Variants in DENND1B observed in about 807,000 individuals in gnomAD.
The protein encoded by DENND1B is DENN domain containing 1B, also known as DENN domain-containing protein 1B.
A neutral mutation model predicts 90.1 loss-of-function variants in DENND1B; 59 were observed. That is an observed-to-expected ratio of 0.65 (90% CI 0.53 to 0.81). The LOEUF is 0.81. Among genes scored for constraint, DENND1B ranks in the 40% least tolerant of loss-of-function variants. The pLI, the probability that DENND1B is intolerant of heterozygous loss-of-function variation, is 0.00. For synonymous variants in DENND1B, 337 were observed against 324.6 expected, an observed-to-expected ratio of 1.04 and a Z score of -0.41; for missense variants, 862 against 912.6, an observed-to-expected ratio of 0.94 and a Z score of 0.71.
chr1:197,630,639 T>A (rs1339855805), intron 10 of DENND1B, among the ~76,000 whole-genome samples: 2 of 152,144 alleles, frequency 1.3e-5, no homozygotes, highest in Non-Finnish European at 2.9e-5. Flanking sequence ...TCTAATCATC[T>A]CACATTTAGT....
At chr1:197,665,664 A>C (rs1654869008) in intron 5 of DENND1B, among the ~76,000 whole-genome samples, 2 of 152,142 alleles carry the variant, frequency 1.3e-5, no homozygotes, top group Admixed American at 1.3e-4. Context: ...TTTGACTTGA[A>C]ATATCTTAAA....
chr1:197,553,643 C>G (rs1671444028), intron 15 of DENND1B, among the ~76,000 whole-genome samples: 1 of 152,258 alleles, frequency 6.6e-6, no homozygotes, highest in African/African-American at 2.4e-5. Flanking sequence ...TAACTTCATT[C>G]AGTAAAATAA....
chr1:197,672,295 TAA>T, intron 4 of DENND1B, 139 bp from the exon 5 acceptor site: 5 of 1,040,110 alleles, frequency 4.8e-6, no homozygotes, highest in Non-Finnish European at 6.8e-6. Context: ...AACTATGTTC[TAA>T]AACTAGAGGA....
chr1:197,524,184 C>T (rs80125218), intron 20 of DENND1B, among the ~76,000 whole-genome samples: 8,887 of 152,042 alleles, frequency 0.058, 883 homozygotes, highest in African/African-American at 0.2. Flanking sequence ...TATTAGAAAC[C>T]AGTCTAATTC....
intron 6 of DENND1B, among the ~76,000 whole-genome samples, chr1:197,657,336 C>T (rs1653946108): frequency 4.6e-5 from 7 of 152,156 alleles, no homozygotes; most frequent in Non-Finnish European, 8.8e-5. Flanking sequence ...CCAACAAGTA[C>T]TTCTCTAGAG....
At chr1:197,738,009 A>G (rs1376508521) in intron 2 of DENND1B, among the ~76,000 whole-genome samples, 2 of 75,630 alleles carry the variant, frequency 2.6e-5, no homozygotes, top group South Asian at 5.3e-4. Flanking sequence ...TTCTTCCCGC[A>G]GGTTTTGATT....
At chr1:197,662,416 C>A (rs1654497500) in intron 5 of DENND1B, among the ~76,000 whole-genome samples, 1 of 151,956 alleles carries the variant, frequency 6.6e-6, no homozygotes, top group Non-Finnish European at 1.5e-5. Flanking sequence ...ACATACTTGA[C>A]TAAGATAAAG....
At chr1:197,645,773 A>G in intron 8 of DENND1B, 30 bp from the exon 9 acceptor site, 6 of 1,422,768 alleles carry the variant, frequency 4.2e-6, no homozygotes, top group Non-Finnish European at 5.7e-6. Flanking sequence ...CACATATGAA[A>G]AAGATAATTA....
chr1:197,547,064 C>A (rs765946881), intron 16 of DENND1B, among the ~76,000 whole-genome samples: 1 of 152,140 alleles, frequency 6.6e-6, no homozygotes, highest in Non-Finnish European at 1.5e-5. Context: ...TGTTTAAAAG[C>A]TTAAATACTC....
chr1:197,531,364 T>C (rs1394966184), intron 20 of DENND1B, among the ~76,000 whole-genome samples: 3 of 152,116 alleles, frequency 2.0e-5, no homozygotes, highest in Non-Finnish European at 2.9e-5. Context: ...CTTTAGGCAA[T>C]TAAATTCACC....
chr1:197,695,610 T>G (rs1658351738), intron 3 of DENND1B, among the ~76,000 whole-genome samples: 1 of 150,984 alleles, frequency 6.6e-6, no homozygotes, highest in African/African-American at 2.4e-5. Context: ...AATTTACTAT[T>G]ACATATCAAA....
At chr1:197,545,179 C>T (rs1038672606) in intron 18 of DENND1B, among the ~76,000 whole-genome samples, 1 of 151,866 alleles carries the variant, frequency 6.6e-6, no homozygotes, top group East Asian at 1.9e-4. Flanking sequence ...CCAAGGCGGG[C>T]AGATCACTTG....
chr1:197,565,204 AT>A (rs1413145137), intron 15 of DENND1B, among the ~76,000 whole-genome samples: 1 of 152,038 alleles, frequency 6.6e-6, no homozygotes, highest in Non-Finnish European at 1.5e-5. Flanking sequence ...ATCTGTAACA[AT>A]TTTTTATGTT....
chr1:197,582,173 TCC>T, intron 15 of DENND1B, among the ~76,000 whole-genome samples: 1 of 152,292 alleles, frequency 6.6e-6, no homozygotes, highest in South Asian at 2.1e-4. Context: ...GACAGGTATC[TCC>T]CCATGCCCCA....
At chr1:197,704,211 G>T (rs1659307262) in intron 3 of DENND1B, among the ~76,000 whole-genome samples, 1 of 152,066 alleles carries the variant, frequency 6.6e-6, no homozygotes, top group Non-Finnish European at 1.5e-5. Context: ...AGTCATGAGG[G>T]CACTACTGCA....
chr1:197,713,345 CAAT>C (rs1334830922), intron 3 of DENND1B, among the ~76,000 whole-genome samples: 1 of 73,548 alleles, frequency 1.4e-5, no homozygotes, highest in Non-Finnish European at 2.4e-5. Context: ...AAATGTCCAA[CAAT>C]GATAGACTGG....
chr1:197,683,916 T>C (rs978708365), intron 3 of DENND1B, among the ~76,000 whole-genome samples: 1 of 152,162 alleles, frequency 6.6e-6, no homozygotes, highest in Admixed American at 6.5e-5. Flanking sequence ...TTTGTTACAG[T>C]TGGAAAGATC....
At position 197,575,903 on chromosome 1, in the gene DENND1B, C is replaced by T. The variant is rs370497555; in HGVS notation, c.1149+7249G>A. On this transcript the variant is annotated intron_variant, in intron 15 of 22. Coordinates refer to ENST00000620048, the MANE Select transcript of DENND1B (RefSeq NM_001195215.2). ...ACAATGAGAACACTTGGACACAGGG[C>T]GGGAACATCACACACCAGGGCCTGT... is the stretch of plus-strand genomic sequence containing the variant. 1.6e-3 allele frequency among the ~76,000 whole-genome samples: 240 copies of T among 152,026 alleles called. 1 individual carries two copies. Among genetic ancestry groups the T allele is most frequent in the Middle Eastern group, 6.8e-3 (2 of 292 alleles).
At chr1:197,610,983 A>G (rs1677134569) in intron 12 of DENND1B, among the ~76,000 whole-genome samples, 1 of 150,738 alleles carries the variant, frequency 6.6e-6, no homozygotes, top group African/African-American at 2.4e-5. Context: ...GGACCTCCTA[A>G]AGGGGCGTGA....
Sources: allele counts gnomAD v4.1 joint callset (sites outside exome capture counted in the v4.1 genomes callset), GRCh38; gene constraint gnomAD v4.1.1; transcripts MANE v1.5; gene names NCBI Gene and HGNC (gene_info 2026-07-23, HGNC 2026-07-21).